The following SLC44A5 variants were observed in gnomAD, a reference collection of about 807,000 sequenced individuals.
SLC44A5 encodes the protein solute carrier family 44 member 5.
SLC44A5 carries 57 observed loss-of-function variants against 101.8 expected under a neutral mutation model. That is an observed-to-expected ratio of 0.56 (90% confidence interval 0.45 to 0.70). The LOEUF is 0.70. Ranked by LOEUF, SLC44A5 falls within the 30% of genes least tolerant of loss-of-function variation. The probability of loss-of-function intolerance (pLI) is 0.00; values close to 1 mark genes in which losing one functional copy is unlikely to be tolerated. For synonymous variants in SLC44A5, 281 were observed against 290.9 expected (o/e 0.97, Z 0.35); for missense variants, 737 against 853.1 (o/e 0.86, Z 1.70).
chr1:75,474,658 G>A (rs552120432), intron 2 of SLC44A5, among the ~76,000 whole-genome samples: 1 of 152,254 alleles, frequency 6.6e-6, no homozygotes, highest in East Asian at 1.9e-4. Flanking sequence ...GTGGGGCATA[G>A]AATTATGTGG....
At chr1:75,285,954 G>A (rs1282205471) in intron 5 of SLC44A5, among the ~76,000 whole-genome samples, 1 of 152,022 alleles carries the variant, frequency 6.6e-6, no homozygotes, top group Admixed American at 6.6e-5. Context: ...GCAGTTGTTG[G>A]GTAGAATTTT....
At chr1:75,217,440 G>C (rs1175147105) in intron 18 of SLC44A5, among the ~76,000 whole-genome samples, 10 of 151,958 alleles carry the variant, frequency 6.6e-5, no homozygotes, top group Non-Finnish European at 1.5e-4. Flanking sequence ...CAAAGTTTAT[G>C]TGTTTGTAAA....
At chr1:75,431,838 G>C (rs1033078070) in intron 2 of SLC44A5, among the ~76,000 whole-genome samples, 4 of 152,150 alleles carry the variant, frequency 2.6e-5, no homozygotes, top group African/African-American at 9.7e-5. Context: ...TCAAGTAAAT[G>C]CTCAAAAGTA....
intron 1 of SLC44A5, among the ~76,000 whole-genome samples, chr1:75,602,021 G>A (rs866869584): frequency 1.3e-4 from 20 of 152,184 alleles, no homozygotes; most frequent in South Asian, 4.2e-4. Flanking sequence ...CAAGCAATTG[G>A]CTAAAGAAAC....
intron 6 of SLC44A5, among the ~76,000 whole-genome samples, chr1:75,258,040 G>A (rs1650162517): frequency 1.3e-5 from 2 of 152,144 alleles, no homozygotes; most frequent in African/African-American, 2.4e-5. Context: ...CACGGTCTTC[G>A]CAACCCGCAG....
In SLC44A5 at chr1:75,218,622, C is replaced by T; in HGVS notation, c.1397G>A (p.Trp466Ter). 1 of 1,613,744 alleles carries T rather than the reference C, an allele frequency of 6.2e-7. No homozygotes were observed. Among genetic ancestry groups the T allele is most frequent in the Admixed American group, 1.7e-5 (1 of 59,992 alleles). ...FHVYNLFVFL[W>*]LINFVIALGQ... ...TAATGCAATGACGAAGTTTATAAGC[C>T]AGAGAAAGACAAATAAGTTGTATAC... Residue 466 changes from tryptophan to a stop codon, truncating the protein, a stop_gained, in exon 17 of 24, where the codon TGG becomes TAG. Transcript: ENST00000370859. LOFTEE classifies it high-confidence loss of function.
At chr1:75,585,667 C>CATGTTTAATATGTTTATTAAATTAT (rs1673950449) in intron 1 of SLC44A5, among the ~76,000 whole-genome samples, 1 of 152,154 alleles carries the variant, frequency 6.6e-6, no homozygotes, top group Non-Finnish European at 1.5e-5. Flanking sequence ...TGTATTAGCA[C>CATGTTTAATATGTTTATTAAATTAT]ATGTTTAATA....
At chr1:75,588,892 C>T (rs1482473718) in intron 1 of SLC44A5, among the ~76,000 whole-genome samples, 1 of 152,024 alleles carries the variant, frequency 6.6e-6, no homozygotes, top group South Asian at 2.1e-4. Context: ...AGTAAACATG[C>T]AATTATGATA....
chr1:75,483,039 A>G (rs1021717706), intron 2 of SLC44A5, among the ~76,000 whole-genome samples: 2 of 152,224 alleles, frequency 1.3e-5, no homozygotes, highest in African/African-American at 4.8e-5. Flanking sequence ...TTCACATTCA[A>G]TTAATATTTA....
At chr1:75,599,704 G>T (rs940223953) in intron 1 of SLC44A5, among the ~76,000 whole-genome samples, 8 of 152,150 alleles carry the variant, frequency 5.3e-5, no homozygotes, top group African/African-American at 1.9e-4. Context: ...TTATACATGT[G>T]CACACACACA....
chr1:75,330,589 T>G (rs947185511), intron 4 of SLC44A5, among the ~76,000 whole-genome samples: 2 of 152,170 alleles, frequency 1.3e-5, no homozygotes, highest in Non-Finnish European at 2.9e-5. Context: ...TCTTGTGTCA[T>G]CAGTGGCCTT....
intron 2 of SLC44A5, among the ~76,000 whole-genome samples, chr1:75,433,282 T>G (rs1462158836): frequency 1.3e-5 from 2 of 152,102 alleles, no homozygotes; most frequent in Non-Finnish European, 2.9e-5. Flanking sequence ...AGATAGAAAC[T>G]ACTGAGCCCA....
chr1:75,449,459 T>C (rs1162999876), intron 2 of SLC44A5, among the ~76,000 whole-genome samples: 1 of 152,164 alleles, frequency 6.6e-6, no homozygotes, highest in Non-Finnish European at 1.5e-5. Context: ...CCAAGATAGT[T>C]AGCCTATGTG....
At chr1:75,607,767 G>A (rs1675410958) in intron 1 of SLC44A5, among the ~76,000 whole-genome samples, 1 of 151,988 alleles carries the variant, frequency 6.6e-6, no homozygotes, top group South Asian at 2.1e-4. Flanking sequence ...CATGTAAGAT[G>A]TGACTTTGTT....
intron 2 of SLC44A5, among the ~76,000 whole-genome samples, chr1:75,449,803 C>A (rs1187797128): frequency 2.0e-5 from 3 of 152,068 alleles, no homozygotes; most frequent in Admixed American, 2.0e-4. Context: ...GAGACCAAGA[C>A]CATCCTGGCC....
chr1:75,501,930 CAT>C (rs1206408728), intron 2 of SLC44A5, among the ~76,000 whole-genome samples: 11 of 152,198 alleles, frequency 7.2e-5, no homozygotes, highest in East Asian at 3.8e-4. Context: ...TCTAGGCACA[CAT>C]GTGCTAAAAA....
chr1:75,302,378 C>T (rs1356826794), intron 4 of SLC44A5, among the ~76,000 whole-genome samples: 1 of 151,964 alleles, frequency 6.6e-6, no homozygotes, highest in Non-Finnish European at 1.5e-5. Context: ...TCATAACTAC[C>T]AGGAAGCTGG....
chr1:75,625,582 T>A, the SLC44A5 span, among the ~76,000 whole-genome samples: 2 of 152,162 alleles, frequency 1.3e-5, no homozygotes, highest in Admixed American at 1.3e-4. Context: ...TTGCAACTTG[T>A]CAAATGATAC....
chr1:75,544,870 G>A (rs1472966436), intron 1 of SLC44A5, among the ~76,000 whole-genome samples: 1 of 151,350 alleles, frequency 6.6e-6, no homozygotes, highest in Non-Finnish European at 1.5e-5. Context: ...AGTACCAAGG[G>A]ATTTTTTTTT....
Sources: allele counts gnomAD v4.1 joint callset (sites outside exome capture counted in the v4.1 genomes callset), GRCh38; gene constraint gnomAD v4.1.1; transcripts MANE v1.5; gene names NCBI Gene and HGNC (gene_info 2026-07-23, HGNC 2026-07-21).